Variants in NCOA7 observed in about 807,000 individuals in gnomAD.
NCOA7 encodes nuclear receptor coactivator 7, also known as 140 kDa estrogen receptor-associated protein.
A neutral mutation model predicts 104.3 loss-of-function variants in NCOA7; 45 were observed. That is an observed-to-expected ratio of 0.43 (90% confidence interval 0.34 to 0.55). The LOEUF is 0.55. NCOA7 is among the 20% of genes least tolerant of loss of function. NCOA7 has a pLI of 0.02. For missense variants in NCOA7, 1,041 were observed against 1,119.7 expected, an observed-to-expected ratio of 0.93 and a Z score of 1.00; for synonymous variants, 398 against 402.3, an observed-to-expected ratio of 0.99 and a Z score of 0.13.
intron 2 of NCOA7, among the ~76,000 whole-genome samples, chr6:125,847,066 TA>T (rs756419304): frequency 2.0e-5 from 3 of 152,254 alleles, no homozygotes; most frequent in Admixed American, 2.0e-4. Context: ...AAAGACTACT[TA>T]AAATATTTTT....
chr6:125,799,294 T>A (rs1488151861), intron 1 of NCOA7, among the ~76,000 whole-genome samples: 1 of 152,176 alleles, frequency 6.6e-6, no homozygotes, highest in African/African-American at 2.4e-5. Flanking sequence ...CATTTCTTCC[T>A]TTAAAATCAG....
At chr6:125,828,826 G>A (rs1778889868) in intron 2 of NCOA7, among the ~76,000 whole-genome samples, 1 of 152,144 alleles carries the variant, frequency 6.6e-6, no homozygotes, top group Non-Finnish European at 1.5e-5. Flanking sequence ...GCTGTGCCAG[G>A]AGATTTACAA....
chr6:125,849,393 G>T (rs1323075441), intron 2 of NCOA7, among the ~76,000 whole-genome samples: 1 of 152,142 alleles, frequency 6.6e-6, no homozygotes, highest in Non-Finnish European at 1.5e-5. Context: ...TAAGAAGCTC[G>T]CAATCATGGT....
intron 14 of NCOA7, among the ~76,000 whole-genome samples, chr6:125,927,971 C>A (rs960829657): frequency 6.6e-6 from 1 of 152,210 alleles, no homozygotes; most frequent in African/African-American, 2.4e-5. Flanking sequence ...AGGTCAGAGC[C>A]ACCACGTGTC....
chr6:125,896,575 T>C (rs1379838867), intron 10 of NCOA7, among the ~76,000 whole-genome samples: 2 of 152,110 alleles, frequency 1.3e-5, no homozygotes, highest in African/African-American at 4.8e-5. Context: ...ACAGATTGCT[T>C]GAGCTCAGCA....
chr6:125,896,211 C>A (rs540595660), intron 10 of NCOA7, among the ~76,000 whole-genome samples: 1 of 151,932 alleles, frequency 6.6e-6, no homozygotes, highest in South Asian at 2.1e-4. Flanking sequence ...TTCAGGGAGT[C>A]TTATGAAATC....
intron 5 of NCOA7, among the ~76,000 whole-genome samples, chr6:125,880,345 C>G (rs1474151255): frequency 1.3e-5 from 2 of 152,100 alleles, no homozygotes; most frequent in Admixed American, 1.3e-4. Flanking sequence ...ATGCTTCTCT[C>G]TCCTCATTTC....
At chr6:125,850,551 T>C (rs1470379256) in intron 2 of NCOA7, among the ~76,000 whole-genome samples, 1 of 152,182 alleles carries the variant, frequency 6.6e-6, no homozygotes, top group Non-Finnish European at 1.5e-5. Context: ...CCCCAAACAG[T>C]GCTGCCGTTC....
At chr6:125,892,360 A>G (rs1435776710) in intron 10 of NCOA7, among the ~76,000 whole-genome samples, 1 of 152,210 alleles carries the variant, frequency 6.6e-6, no homozygotes, top group Non-Finnish European at 1.5e-5. Context: ...ATGGTAAAAT[A>G]GTACTTCTCT....
At chr6:125,824,311 G>C (rs1304246034) in intron 2 of NCOA7, among the ~76,000 whole-genome samples, 2 of 152,106 alleles carry the variant, frequency 1.3e-5, no homozygotes, top group Non-Finnish European at 2.9e-5. Flanking sequence ...AAAACCCCCA[G>C]ATGGAACTAT....
At chr6:125,799,963 T>G (rs1263325778) in intron 1 of NCOA7, among the ~76,000 whole-genome samples, 4 of 152,216 alleles carry the variant, frequency 2.6e-5, no homozygotes, top group Non-Finnish European at 5.9e-5. Context: ...ATCATTTAGG[T>G]TCTCAGTCTT....
intron 1 of NCOA7, among the ~76,000 whole-genome samples, chr6:125,805,294 C>T (rs534791588): frequency 3.9e-4 from 60 of 151,996 alleles, no homozygotes; most frequent in African/African-American, 1.4e-3. Context: ...GAGGTTTCAC[C>T]ATGTTGATCA....
chr6:125,870,683 CT>C (rs1042000854), intron 3 of NCOA7, among the ~76,000 whole-genome samples: 3 of 152,318 alleles, frequency 2.0e-5, no homozygotes, highest in African/African-American at 7.2e-5. Flanking sequence ...GTAACATCTT[CT>C]TTTAGCCCCA....
intron 2 of NCOA7, among the ~76,000 whole-genome samples, chr6:125,851,472 A>G (rs916085380): frequency 6.6e-6 from 1 of 152,144 alleles, no homozygotes; most frequent in African/African-American, 2.4e-5. Flanking sequence ...GTGTATATAG[A>G]CCACATTTTC....
intron 3 of NCOA7, among the ~76,000 whole-genome samples, chr6:125,866,727 A>G (rs1247256794): frequency 6.6e-6 from 1 of 152,114 alleles, no homozygotes; most frequent in African/African-American, 2.4e-5. Context: ...GCCTCCTCTC[A>G]TTTATAATGG....
In NCOA7 at chr6:125,927,618, G is replaced by T. The variant is rs1788147468; in HGVS notation, c.2524-45G>T. The T allele has an allele frequency of 2.8e-6, 4 of 1,413,312 alleles. No individual in the cohort carries two copies. The East Asian group carries it at 6.8e-5, about 24-fold the overall frequency. 87.5% of individuals were successfully genotyped at this position (1,413,312 alleles called of 1,614,324 possible). ...ATATTCCAGAAAGCCTTGCTTTGGG[G>T]ATTTAGGTTTGAATGTAGGTAACAT... On this transcript the variant is annotated intron_variant, in intron 13 of 15. Coordinates refer to ENST00000392477, the MANE Select transcript of NCOA7 (RefSeq NM_181782.5).
chr6:125,844,675 G>A (rs1303602130), intron 2 of NCOA7, among the ~76,000 whole-genome samples: 2 of 152,148 alleles, frequency 1.3e-5, no homozygotes, highest in Non-Finnish European at 2.9e-5. Flanking sequence ...AAGTGGCTTT[G>A]TATTGATGAC....
intron 1 of NCOA7, among the ~76,000 whole-genome samples, chr6:125,795,780 T>C (rs1195929483): frequency 3.3e-5 from 5 of 152,154 alleles, no homozygotes; most frequent in Non-Finnish European, 1.5e-5. Context: ...CCTGTCTGTA[T>C]CCCTCCTTGT....
In NCOA7 at chr6:125,783,957, T is replaced by A. The variant is rs139129885; in HGVS notation, c.-141-2180T>A. Reference sequence around the variant, plus strand: ...TCTTACTAAAGCAGTTCCATATCATTGGGCATTTAGATTGTTTACAATCTT... The same window carrying A: ...TCTTACTAAAGCAGTTCCATATCATAGGGCATTTAGATTGTTTACAATCTT... On this transcript the variant is annotated intron_variant, in intron 1 of 16. Coordinates refer to the NCOA7 transcript ENST00000368357. Among the ~76,000 whole-genome samples, 18 of 152,330 alleles carry A rather than the reference T, an allele frequency of 1.2e-4. 1 individual carries two copies. Among genetic ancestry groups the A allele is most frequent in the African/African-American group, 4.3e-4 (18 of 41,572 alleles).
Sources: gnomAD v4.1 joint callset for allele counts (sites outside exome capture counted in the v4.1 genomes callset) on GRCh38, gnomAD v4.1.1 for gene constraint, MANE v1.5 for transcripts, NCBI Gene and HGNC (gene_info 2026-07-23, HGNC 2026-07-21) for gene names.